FAM227B: variants seen among roughly 807,000 people sequenced by gnomAD.
FAM227B encodes protein FAM227B.
In FAM227B, 88 loss-of-function variants were observed where a neutral mutation model predicts 73.8. The ratio of observed to expected loss-of-function variants is 1.19; its 90% CI spans 1.00 to 1.42. The LOEUF is 1.42. Ranked by LOEUF, FAM227B falls within the 40% of genes most tolerant of loss-of-function variation. The pLI is 0.00. For missense variants in FAM227B, 632 were observed against 590.9 expected (o/e 1.07, Z -0.72); for synonymous variants, 210 against 190.5 (o/e 1.10, Z -0.84).
rs767076839 is a variant in FAM227B, at chr15:49,396,263, C to T, written c.1013-24864G>A. ...CGGCACCTGGAAAATCGTGTCACTC[C>T]CACCTGAATACTGTGCTTTTCTGAC... On this transcript the variant is annotated intron_variant, in intron 11 of 15. Coordinates refer to ENST00000299338, the MANE Select transcript of FAM227B (RefSeq NM_152647.3). The T allele has an allele frequency of 3.5e-5, 14 of 398,256 alleles. No homozygotes were observed. In the East Asian group the frequency reaches 4.0e-4, roughly 11 times the overall value. The allele number at this position is 398,256 out of a possible 1,614,324, so 24.7% of individuals were successfully genotyped here.
Position 49,367,608 on chromosome 15 carries a change from A to G in FAM227B, c.1111T>C (p.Ser371Pro), listed in dbSNP as rs1596613924. The stretch of plus-strand genomic sequence containing the variant: ...TCTGGACCAGTACTACTATAGTGCG[A>G]CTGTAAGAGGAAGAAAATAATCAAG... ...ESRLSRLATK[S>P]HYSSTGPEFN... Residue 371 changes from serine (S) to proline (P), a missense_variant and splice_region_variant, in exon 13 of 16, where the codon TCG becomes CCG. Transcript: ENST00000299338. The G allele has an allele frequency of 1.3e-6, 2 of 1,550,232 alleles. No homozygotes were observed. The highest frequency in any genetic ancestry group is 2.8e-5 in the African/African-American group (2 of 70,556).
chr15:49,361,903 A>T (rs2044308394), intron 13 of FAM227B, among the ~76,000 whole-genome samples: 1 of 152,060 alleles, frequency 6.6e-6, no homozygotes, highest in Non-Finnish European at 1.5e-5. Context: ...CCTCTCCAGA[A>T]TCTGTTATTT....
chr15:49,355,608 G>A (rs1208239230), intron 13 of FAM227B, among the ~76,000 whole-genome samples: 5 of 152,112 alleles, frequency 3.3e-5, no homozygotes, highest in African/African-American at 4.8e-5. Context: ...CCAAATCTAC[G>A]TCTGACTGGT....
intron 8 of FAM227B, 72 bp downstream of exon 8, chr15:49,574,939 G>T: frequency 2.2e-6 from 2 of 890,668 alleles, no homozygotes; most frequent in Non-Finnish European, 3.5e-6. Context: ...TTTTGTACTA[G>T]ACTTATCTCT....
At chr15:49,566,242 T>G (rs1309064225) in intron 9 of FAM227B, among the ~76,000 whole-genome samples, 1 of 148,078 alleles carries the variant, frequency 6.8e-6, no homozygotes, top group South Asian at 2.1e-4. Context: ...GTTGACATAT[T>G]TAATTTTATT....
intron 13 of FAM227B, chr15:49,365,109 G>A (rs2044897574): frequency 8.7e-6 from 6 of 690,654 alleles, no homozygotes; most frequent in Non-Finnish European, 1.6e-5. Flanking sequence ...CATTATAGCA[G>A]TTCCACATAA....
At chr15:49,336,592 T>C (rs1186153502) in intron 13 of FAM227B, among the ~76,000 whole-genome samples, 2 of 152,246 alleles carry the variant, frequency 1.3e-5, no homozygotes, top group African/African-American at 4.8e-5. Flanking sequence ...AAACTTTATT[T>C]TCCATTTCAA....
intron 11 of FAM227B, among the ~76,000 whole-genome samples, chr15:49,503,007 T>C (rs888858326): frequency 7.2e-5 from 11 of 152,224 alleles, no homozygotes; most frequent in East Asian, 5.8e-4. Context: ...AGGCATCACG[T>C]TACCTGACTT....
intron 3 of FAM227B, among the ~76,000 whole-genome samples, 176 bp downstream of exon 3, chr15:49,611,039 G>T (rs73406013): frequency 1.3e-5 from 2 of 151,972 alleles, no homozygotes; most frequent in African/African-American, 4.8e-5. Flanking sequence ...GTTGACAAGA[G>T]GGAAGACTAC....
chr15:49,576,619 T>G, intron 7 of FAM227B, 122 bp downstream of exon 7: 1 of 637,246 alleles, frequency 1.6e-6, no homozygotes, highest in Non-Finnish European at 2.7e-6. Flanking sequence ...TCCTGCCAAA[T>G]TTAATGCCCA....
At chr15:49,451,872 A>C (rs981233777) in intron 11 of FAM227B, among the ~76,000 whole-genome samples, 3 of 152,176 alleles carry the variant, frequency 2.0e-5, no homozygotes, top group Admixed American at 2.0e-4. Context: ...GTAATCTCTT[A>C]GGAATTATTT....
chr15:49,422,145 A>AGAGAGT (rs757128514), intron 11 of FAM227B, among the ~76,000 whole-genome samples: 11 of 139,920 alleles, frequency 7.9e-5, no homozygotes, highest in Middle Eastern at 7.4e-3. Flanking sequence ...AGAGAGAGAG[A>AGAGAGT]GTGTGTGTGT....
At chr15:49,613,832 G>C (rs565743521) in intron 2 of FAM227B, among the ~76,000 whole-genome samples, 15 of 152,226 alleles carry the variant, frequency 9.9e-5, no homozygotes, top group African/African-American at 2.9e-4. Context: ...AAGATGCATA[G>C]AGATGTGAAG....
chr15:49,430,156 T>C (rs547527353), intron 11 of FAM227B, among the ~76,000 whole-genome samples: 1 of 152,028 alleles, frequency 6.6e-6, no homozygotes, highest in African/African-American at 2.4e-5. Context: ...CCTGGAAATG[T>C]ACGTGATGAT....
chr15:49,479,599 G>GTTTTTTTTTTT lies in FAM227B; in HGVS notation c.1012+28601_1012+28611dup, dbSNP rs56097665. 3.6e-4 allele frequency among the ~76,000 whole-genome samples: 23 copies of GTTTTTTTTTTT among 63,322 alleles called. 1 individual carries two copies. The highest frequency in any genetic ancestry group is 1.1e-3 in the African/African-American group (18 of 15,942). 41.5% of individuals were successfully genotyped at this position (63,322 alleles called of 152,430 possible). On this transcript the variant is annotated intron_variant, in intron 11 of 15. Coordinates refer to ENST00000299338, the MANE Select transcript of FAM227B (RefSeq NM_152647.3). ...GTAGGATTTCATAGTTAATACCTCT[G>GTTTTTTTTTTT]TTTTTTTTTTTTTTTTTTTTTTTTT...
intron 11 of FAM227B, among the ~76,000 whole-genome samples, chr15:49,428,667 A>G (rs893667552): frequency 3.3e-5 from 5 of 151,988 alleles, no homozygotes; most frequent in African/African-American, 9.7e-5. Flanking sequence ...ACAGAATCCA[A>G]TCCCTCAGGA....
chr15:49,437,319 G>C (rs2051196356), intron 11 of FAM227B, among the ~76,000 whole-genome samples: 1 of 151,602 alleles, frequency 6.6e-6, no homozygotes, highest in Non-Finnish European at 1.5e-5. Context: ...AAACAGCAGA[G>C]AGTTTGTTTT....
chr15:49,448,302 C>T (rs1224707697), intron 11 of FAM227B, among the ~76,000 whole-genome samples: 1 of 151,356 alleles, frequency 6.6e-6, no homozygotes, highest in Non-Finnish European at 1.5e-5. Flanking sequence ...CCTTTTCTCC[C>T]TCTTTTCTTT....
chr15:49,485,114 G>T (rs2056298487), intron 11 of FAM227B: 1 of 152,146 alleles, frequency 6.6e-6, no homozygotes, highest in African/African-American at 2.4e-5. Context: ...ATTAGAACAT[G>T]CTTATACCTA....
Sources: gnomAD v4.1 joint callset for allele counts (sites outside exome capture counted in the v4.1 genomes callset) on GRCh38, gnomAD v4.1.1 for gene constraint, MANE v1.5 for transcripts, NCBI Gene and HGNC (gene_info 2026-07-23, HGNC 2026-07-21) for gene names.